Variants in COX7B2 observed in about 807,000 individuals in gnomAD.
COX7B2 encodes cytochrome c oxidase subunit 7B2.
For missense variants in COX7B2, 109 were observed against 95.9 expected, an observed-to-expected ratio of 1.14 and a Z score of -0.57; for synonymous variants, 37 against 32.1, an observed-to-expected ratio of 1.15 and a Z score of -0.51.
chr4:46,901,135 T>C (rs1560445415), intron 1 of COX7B2, among the ~76,000 whole-genome samples: 2 of 152,228 alleles, frequency 1.3e-5, no homozygotes, highest in African/African-American at 4.8e-5. Flanking sequence ...TATGTAACAT[T>C]GAGGTATGAA....
chr4:46,827,532 A>G (rs1714779869), intron 2 of COX7B2, among the ~76,000 whole-genome samples: 1 of 152,170 alleles, frequency 6.6e-6, no homozygotes, highest in Non-Finnish European at 1.5e-5. Flanking sequence ...AAATAAAGTA[A>G]TTATGTCCGT....
chr4:46,734,875 T>C lies in COX7B2; in HGVS notation c.*72A>G. ...TTATTTTTTCAATTGTGCTATATTT[T>C]AATAAGCAGTAGAGTGCTTACATGA... is the stretch of plus-strand genomic sequence containing the variant. On this transcript the variant is annotated 3_prime_UTR_variant, in exon 3 of 3. Transcript: ENST00000355591. 6.6e-7 allele frequency: 1 copy of C among 1,508,672 alleles called. No homozygotes were observed. Among genetic ancestry groups the C allele is most frequent in the South Asian group, 1.2e-5 (1 of 85,192 alleles). The allele number at this position is 1,508,672 out of a possible 1,614,324, so 93.5% of individuals were successfully genotyped here. A position where few individuals can be genotyped will look rare whatever the true frequency, so the allele number is the denominator to read the frequency against.
chr4:46,872,446 C>T (rs1718051631), intron 1 of COX7B2, among the ~76,000 whole-genome samples: 1 of 152,046 alleles, frequency 6.6e-6, no homozygotes, highest in Non-Finnish European at 1.5e-5. Context: ...TGTAATAAAC[C>T]TTCACATGTA....
chr4:46,840,119 A>G (rs763239150), intron 2 of COX7B2, among the ~76,000 whole-genome samples: 1 of 151,798 alleles, frequency 6.6e-6, no homozygotes, highest in Non-Finnish European at 1.5e-5. Context: ...AGTCTCAGTA[A>G]TTTCTGGCCT....
intron 1 of COX7B2, among the ~76,000 whole-genome samples, chr4:46,900,680 G>C (rs1720027075): frequency 6.6e-6 from 1 of 152,086 alleles, no homozygotes; most frequent in African/African-American, 2.4e-5. Flanking sequence ...GCCTTTGATA[G>C]GTCACCCTCA....
At chr4:46,842,834 C>G (rs1466450794) in intron 2 of COX7B2, among the ~76,000 whole-genome samples, 10 of 152,072 alleles carry the variant, frequency 6.6e-5, no homozygotes, top group Non-Finnish European at 1.0e-4. Context: ...GAAGTCTTTG[C>G]TATTGTGAAT....
At chr4:46,871,982 G>C (rs753982106) in intron 1 of COX7B2, among the ~76,000 whole-genome samples, 1 of 152,042 alleles carries the variant, frequency 6.6e-6, no homozygotes, top group East Asian at 1.9e-4. Flanking sequence ...TATATACCTA[G>C]AGGACTATAA....
chr4:46,907,172 T>C (rs1720441995), intron 1 of COX7B2, among the ~76,000 whole-genome samples: 1 of 152,160 alleles, frequency 6.6e-6, no homozygotes, highest in Non-Finnish European at 1.5e-5. Context: ...ACTCTTAAAC[T>C]CTTCTTTTAC....
chr4:46,736,707 T>C (rs1434137003), intron 2 of COX7B2, among the ~76,000 whole-genome samples: 1 of 152,174 alleles, frequency 6.6e-6, no homozygotes, highest in Admixed American at 6.6e-5. Flanking sequence ...GTTGTAATCA[T>C]ACAGTATACC....
rs553046957 is a variant in COX7B2, at chr4:46,886,570, A to T, written c.-105+22590T>A. On this transcript the variant is annotated intron_variant, in intron 1 of 2. Coordinates refer to ENST00000355591, the MANE Select transcript of COX7B2 (RefSeq NM_130902.3). ...GTATAATTAATTTAGTCCTTTGTGT[A>T]TATTGTGTTGAATATAAGCTCAGAA... Among the ~76,000 whole-genome samples the T allele has an allele frequency of 4.1e-4, 62 of 152,310 alleles. 1 individual carries two copies. In the South Asian group the frequency reaches 0.012, roughly 31 times the overall value.
At chr4:46,756,327 C>T (rs1018224505) in intron 2 of COX7B2, among the ~76,000 whole-genome samples, 2 of 151,786 alleles carry the variant, frequency 1.3e-5, no homozygotes, top group African/African-American at 4.8e-5. Context: ...GGTTGAAGAC[C>T]TAAACATAAG....
intron 2 of COX7B2, among the ~76,000 whole-genome samples, chr4:46,839,858 T>C (rs1715811904): frequency 6.6e-6 from 1 of 152,064 alleles, no homozygotes; most frequent in Admixed American, 6.6e-5. Flanking sequence ...TGGGTCTTAA[T>C]ATATGGTTGT....
chr4:46,852,489 AT>A (rs368622950), intron 1 of COX7B2, among the ~76,000 whole-genome samples: 21 of 151,764 alleles, frequency 1.4e-4, no homozygotes, highest in African/African-American at 5.1e-4. Flanking sequence ...AGGAATCATC[AT>A]TTTTAAAGGG....
chr4:46,867,459 TACCAGCATC>T (rs1717734172), intron 1 of COX7B2, among the ~76,000 whole-genome samples: 1 of 152,224 alleles, frequency 6.6e-6, no homozygotes, highest in African/African-American at 2.4e-5. Context: ...AGGACACCCC[TACCAGCATC>T]ACGACAGTTT....
intron 2 of COX7B2, among the ~76,000 whole-genome samples, chr4:46,792,367 G>T (rs1196707494): frequency 2.0e-5 from 3 of 152,162 alleles, no homozygotes; most frequent in Non-Finnish European, 4.4e-5. Flanking sequence ...ATTTCTGGAA[G>T]GGATTACACT....
intron 2 of COX7B2, among the ~76,000 whole-genome samples, chr4:46,809,262 A>C (rs1719163828): frequency 6.6e-6 from 1 of 151,596 alleles, no homozygotes; most frequent in African/African-American, 2.4e-5. Context: ...TACTCTTCAT[A>C]TGGCTTTCTA....
chr4:46,831,845 G>A (rs553274051), intron 2 of COX7B2, among the ~76,000 whole-genome samples: 1 of 152,052 alleles, frequency 6.6e-6, no homozygotes, highest in Non-Finnish European at 1.5e-5. Context: ...GTGAGGACTT[G>A]GAGAACCTTT....
chr4:46,902,614 C>T (rs1200162522), intron 1 of COX7B2, among the ~76,000 whole-genome samples: 2 of 152,188 alleles, frequency 1.3e-5, no homozygotes, highest in Non-Finnish European at 2.9e-5. Context: ...GATTTTTGAA[C>T]CCCGAATTCT....
At chr4:46,879,362 G>T (rs1307042925) in intron 1 of COX7B2, among the ~76,000 whole-genome samples, 3 of 151,662 alleles carry the variant, frequency 2.0e-5, no homozygotes, top group Non-Finnish European at 4.4e-5. Context: ...CTGTCACTCA[G>T]GTTGGAGTGC....
Sources: allele counts gnomAD v4.1 joint callset (sites outside exome capture counted in the v4.1 genomes callset), GRCh38; gene constraint gnomAD v4.1.1; transcripts MANE v1.5; gene names NCBI Gene and HGNC (gene_info 2026-07-23, HGNC 2026-07-21).